Variants in PHLPP2 observed in about 807,000 individuals in gnomAD.
PHLPP2 encodes the protein PH domain leucine-rich repeat-containing protein phosphatase 2.
In PHLPP2, 66 loss-of-function variants were observed where a neutral mutation model predicts 124.9. The observed-to-expected ratio is 0.53, with a 90% CI of 0.43 to 0.65. The LOEUF (loss-of-function observed/expected upper bound fraction) is 0.65. Ranked by LOEUF, PHLPP2 falls within the 30% of genes least tolerant of loss-of-function variation. The probability of loss-of-function intolerance (pLI) is 0.00; values close to 1 mark genes in which losing one functional copy is unlikely to be tolerated. For missense variants in PHLPP2, 1,685 were observed against 1,600.4 expected (o/e 1.05, Z -0.90); for synonymous variants, 681 against 624.7 (o/e 1.09, Z -1.34).
At chr16:71,703,131 G>T (rs947454082) in intron 2 of PHLPP2, among the ~76,000 whole-genome samples, 1 of 151,960 alleles carries the variant, frequency 6.6e-6, no homozygotes, top group South Asian at 2.1e-4. Context: ...CCTTTTTCAT[G>T]GCTGAGTAGT....
intron 2 of PHLPP2, among the ~76,000 whole-genome samples, chr16:71,703,467 T>A (rs1597014114): frequency 6.6e-6 from 1 of 151,592 alleles, no homozygotes; most frequent in Admixed American, 6.6e-5. Flanking sequence ...TGACACTGTA[T>A]TTTAAATCAC....
At chr16:71,661,169 C>T (rs1294040766) in intron 13 of PHLPP2, among the ~76,000 whole-genome samples, 2 of 150,912 alleles carry the variant, frequency 1.3e-5, no homozygotes, top group Admixed American at 6.6e-5. Context: ...CAGGTTGAAG[C>T]GATTCTCATG....
In PHLPP2 at chr16:71,646,864, G is replaced by A. The variant is rs2044656912; in HGVS notation, c.*2026C>T. 1 of 152,146 alleles carries A rather than the reference G, an allele frequency of 6.6e-6. No individual in the cohort carries two copies. The highest frequency in any genetic ancestry group is 1.5e-5 in the Non-Finnish European group (1 of 68,030). 9.4% of individuals were successfully genotyped at this position (152,146 alleles called of 1,614,324 possible). The stretch of plus-strand genomic sequence containing the variant: ...CTGACCAGTAGTTTGACAATCTGGG[G>A]ACTCAAGTTCAGATTCTCGAGGGGT... On this transcript the variant is annotated 3_prime_UTR_variant, in exon 19 of 19. Coordinates refer to ENST00000568954, the MANE Select transcript of PHLPP2 (RefSeq NM_015020.3).
At chr16:71,710,130 T>C (rs1014771682) in intron 2 of PHLPP2, among the ~76,000 whole-genome samples, 16 of 152,180 alleles carry the variant, frequency 1.1e-4, no homozygotes, top group Non-Finnish European at 1.9e-4. Context: ...ATTACAGACT[T>C]GAGCCACTGC....
rs148982957 is a variant in PHLPP2, at chr16:71,652,846, C to T, written c.2761G>A (p.Glu921Lys). Reference sequence around the variant, plus strand: ...CTTTGAGCCTCCTCTGGGTCCTGCTCCAGGCTGAAGACTTTAGAGAGGGGC... The same window carrying T: ...CTTTGAGCCTCCTCTGGGTCCTGCTTCAGGCTGAAGACTTTAGAGAGGGGC... ...PVPLSKVFSL[E>K]QDPEEAQRVK... Residue 921 changes from glutamate (E) to lysine (K), a missense_variant, in exon 18 of 19, where the codon GAG becomes AAG. Transcript: ENST00000568954. 3.7e-6 allele frequency: 6 copies of T among 1,614,022 alleles called. No individual in the cohort carries two copies. Among genetic ancestry groups the T allele is most frequent in the Non-Finnish European group, 5.1e-6 (6 of 1,180,048 alleles).
intron 12 of PHLPP2, chr16:71,665,986 C>T (rs1430544474): frequency 6.6e-6 from 1 of 152,176 alleles, no homozygotes; most frequent in Non-Finnish European, 1.5e-5. Flanking sequence ...TTTTTTACGT[C>T]TCCTATTCAT....
chr16:71,684,503 G>T lies in PHLPP2; in HGVS notation c.708C>A (p.Tyr236Ter), dbSNP rs2045034602. ...TGGATGCTTGCCGTTGCCATCGCTGGTACTCGGCCAAAGTCTCGAAGCTGA... is the reference window on the plus strand; with the variant it reads ...TGGATGCTTGCCGTTGCCATCGCTGTTACTCGGCCAAAGTCTCGAAGCTGA... Reference protein sequence around the residue: ...YHVSFETLAEYQRWQRQASKV... With the variant: ...YHVSFETLAE The change falls in exon 5 of 19, where the codon TAC becomes TAA. Residue 236 changes from tyrosine to a stop codon, truncating the protein, a stop_gained. Transcript: ENST00000568954. LOFTEE classifies it high-confidence loss of function. The T allele has an allele frequency of 6.2e-7, 1 of 1,613,752 alleles. No homozygotes were observed. The highest frequency in any genetic ancestry group is 1.7e-5 in the Admixed American group (1 of 59,966).
At chr16:71,707,850 G>A (rs1029501412) in intron 2 of PHLPP2, among the ~76,000 whole-genome samples, 1 of 152,196 alleles carries the variant, frequency 6.6e-6, no homozygotes, top group Non-Finnish European at 1.5e-5. Context: ...TGCAGCTGGA[G>A]TCTGAAGGGC....
At chr16:71,719,854 G>A (rs1002171030) in intron 1 of PHLPP2, among the ~76,000 whole-genome samples, 3 of 151,862 alleles carry the variant, frequency 2.0e-5, no homozygotes, top group African/African-American at 7.3e-5. Context: ...CTGGAGTGCC[G>A]TGGCACGATC....
intron 18 of PHLPP2, among the ~76,000 whole-genome samples, chr16:71,650,604 T>C (rs886537728): frequency 6.6e-6 from 1 of 152,112 alleles, no homozygotes; most frequent in Admixed American, 6.5e-5. Flanking sequence ...TAAATAGCGA[T>C]CAAATCAAAA....
At chr16:71,664,195 T>C (rs926744188) in intron 12 of PHLPP2, 96 bp from the exon 13 acceptor site, 1 of 838,914 alleles carries the variant, frequency 1.2e-6, no homozygotes, top group Non-Finnish European at 2.0e-6. Context: ...AATGCTGCCA[T>C]TCTAAGCTTC....
chr16:71,655,015 C>T (rs1262589484), intron 17 of PHLPP2: 2 of 489,884 alleles, frequency 4.1e-6, no homozygotes, highest in Admixed American at 3.3e-5. Context: ...CCCAGATCCT[C>T]AGCAGCCTTT....
chr16:71,669,520 T>C (rs890635541), intron 10 of PHLPP2, 150 bp from the exon 11 acceptor site: 3 of 594,318 alleles, frequency 5.0e-6, no homozygotes, highest in Admixed American at 2.9e-5. Flanking sequence ...GCCTGGAATA[T>C]AGTAGGTGCT....
chr16:71,654,789 T>A (rs77695129), intron 17 of PHLPP2, among the ~76,000 whole-genome samples: 61 of 152,358 alleles, frequency 4.0e-4, no homozygotes, highest in Non-Finnish European at 7.6e-4. Flanking sequence ...ATATGGTTTT[T>A]GCCCTTAAGT....
At chr16:71,658,127 C>T in intron 15 of PHLPP2, 106 bp downstream of exon 15, 1 of 972,850 alleles carries the variant, frequency 1.0e-6, no homozygotes, top group South Asian at 2.1e-5. Flanking sequence ...AGCCTAACTT[C>T]ATTCTGTTCT....
intron 14 of PHLPP2, 85 bp downstream of exon 14, chr16:71,658,565 TTTC>T (rs1242993329): frequency 2.2e-6 from 3 of 1,386,134 alleles, no homozygotes; most frequent in East Asian, 2.3e-5. Flanking sequence ...TTCACACTCC[TTTC>T]TTCTTCTTTA....
rs772883766 is a variant in PHLPP2, at chr16:71,667,249, G to A, written c.1713C>T (p.Pro571=). 5.0e-6 allele frequency: 8 copies of A among 1,613,464 alleles called. No individual in the cohort carries two copies. The highest frequency in any genetic ancestry group is 5.9e-6 in the Non-Finnish European group (7 of 1,179,634). Residue 571 remains proline (P), a synonymous_variant, in exon 12 of 19, where the codon CCC becomes CCT. Transcript: ENST00000568954. ...QNLPTLVEHI[P]LEVLDLQHNA... ...TATGCTGAAGATCCAGCACCTCGAGGGGGATGTGCTCTACCAGTGTTGGAA... is the reference window on the plus strand; with the variant it reads ...TATGCTGAAGATCCAGCACCTCGAGAGGGATGTGCTCTACCAGTGTTGGAA...
chr16:71,667,821 A>G (rs2044852454), intron 11 of PHLPP2, among the ~76,000 whole-genome samples: 1 of 152,258 alleles, frequency 6.6e-6, no homozygotes, highest in South Asian at 2.1e-4. Context: ...AGTAAATGGT[A>G]AAGTCTGGAC....
At chr16:71,674,644 T>C (rs1437762234) in intron 9 of PHLPP2, among the ~76,000 whole-genome samples, 1 of 152,208 alleles carries the variant, frequency 6.6e-6, no homozygotes, top group Non-Finnish European at 1.5e-5. Context: ...TTTTCACTGC[T>C]GTGCAATATT....
Sources: gnomAD v4.1 joint callset for allele counts (sites outside exome capture counted in the v4.1 genomes callset) on GRCh38, gnomAD v4.1.1 for gene constraint, MANE v1.5 for transcripts, NCBI Gene and HGNC (gene_info 2026-07-23, HGNC 2026-07-21) for gene names.